Variants in TTC7B observed in about 807,000 individuals in gnomAD.
TTC7B encodes tetratricopeptide repeat protein 7B.
Under a neutral mutation model 106.8 loss-of-function variants are expected in TTC7B, and 28 were observed. The observed-to-expected ratio is 0.26, with a 90% CI of 0.19 to 0.36. The LOEUF is 0.36. TTC7B is among the 10% of genes least tolerant of loss of function. The pLI, the probability that TTC7B is intolerant of heterozygous loss-of-function variation, is 1.00. For synonymous variants in TTC7B, 405 were observed against 430.6 expected (o/e 0.94, Z 0.74); for missense variants, 862 against 1,076.4 (o/e 0.80, Z 2.79).
intron 17 of TTC7B, among the ~76,000 whole-genome samples, chr14:90,610,320 C>T (rs1004237231): frequency 3.3e-5 from 5 of 152,214 alleles, no homozygotes; most frequent in Non-Finnish European, 7.3e-5. Context: ...TGGAACCCAC[C>T]TGCCACCCTA....
intron 19 of TTC7B, among the ~76,000 whole-genome samples, chr14:90,558,058 C>T (rs904102704): frequency 1.3e-4 from 20 of 152,226 alleles, no homozygotes; most frequent in African/African-American, 4.8e-4. Flanking sequence ...GGTATACCGT[C>T]GGCACTCGAT....
rs1889200555 is a variant in TTC7B at position 90,528,501 on chromosome 14, T to C, written c.*12867A>G. 6.5e-6 allele frequency: 1 copy of C among 152,968 alleles called. No homozygotes were observed. Among genetic ancestry groups the C allele is most frequent in the Admixed American group, 6.5e-5 (1 of 15,282 alleles). 9.5% of individuals were successfully genotyped at this position (152,968 alleles called of 1,614,324 possible). On this transcript the variant is annotated 3_prime_UTR_variant, in exon 20 of 20. Transcript: ENST00000328459. ...CCTGTTTCCGACGGTGTGACCCGAG[T>C]GCGCTTCGTTACCCGTTTCTGATGG...
At position 90,757,262 on chromosome 14, in the gene TTC7B, C is replaced by A. The variant is rs747017953; in HGVS notation, c.446-12340G>T. Among the ~76,000 whole-genome samples, 2 of 152,100 alleles carry A rather than the reference C, an allele frequency of 1.3e-5. No individual in the cohort carries two copies. The highest frequency in any genetic ancestry group is 3.9e-4 in the East Asian group (2 of 5,186). On this transcript the variant is annotated intron_variant, in intron 3 of 19. Transcript: ENST00000328459. This position sits in a 1 kb window ranked among gnomAD's most constrained non-coding sequence, Gnocchi z 4.1. The stretch of plus-strand genomic sequence containing the variant: ...ATAAAACTACTTGTTTCACTGCACC[C>A]GAAGTGATCTCAATGTTTCCAAAAA...
chr14:90,555,053 C>T (rs1005494246), intron 19 of TTC7B, among the ~76,000 whole-genome samples: 3 of 152,170 alleles, frequency 2.0e-5, no homozygotes, highest in Non-Finnish European at 4.4e-5. Flanking sequence ...GTTACCAAGC[C>T]AGGTAGACGT....
At chr14:90,666,093 C>T (rs1209459774) in intron 9 of TTC7B, among the ~76,000 whole-genome samples, 1 of 152,214 alleles carries the variant, frequency 6.6e-6, no homozygotes, top group African/African-American at 2.4e-5. Flanking sequence ...CCCAGGGCTG[C>T]ACACAGTGGC....
At chr14:90,792,235 T>C (rs1246158242) in intron 1 of TTC7B, among the ~76,000 whole-genome samples, 1 of 152,080 alleles carries the variant, frequency 6.6e-6, no homozygotes, top group Admixed American at 6.6e-5. Context: ...GCTGGGGGAA[T>C]GCGCCAGAGT....
intron 17 of TTC7B, among the ~76,000 whole-genome samples, chr14:90,607,729 T>C (rs977175837): frequency 1.3e-5 from 2 of 152,200 alleles, no homozygotes; most frequent in African/African-American, 2.4e-5. Flanking sequence ...GAATACTATA[T>C]GGCTGTAAAC....
intron 19 of TTC7B, among the ~76,000 whole-genome samples, chr14:90,550,793 T>C (rs1198576911): frequency 2.0e-5 from 3 of 152,180 alleles, no homozygotes; most frequent in South Asian, 2.1e-4. Flanking sequence ...AAGAGGCTCT[T>C]GGGGAATGCT....
chr14:90,758,407 CG>C (rs1890384386), intron 3 of TTC7B, among the ~76,000 whole-genome samples: 1 of 75,014 alleles, frequency 1.3e-5, no homozygotes, highest in South Asian at 5.4e-4. Context: ...TGGGGCGGGG[CG>C]GGGTCGGGGA....
intron 19 of TTC7B, among the ~76,000 whole-genome samples, chr14:90,559,701 A>T (rs760647273): frequency 5.9e-5 from 9 of 152,250 alleles, no homozygotes; most frequent in Non-Finnish European, 1.2e-4. Context: ...TTTTGGGAGA[A>T]GGGAAGGCAC....
At chr14:90,598,172 G>A (rs1025618397) in intron 17 of TTC7B, among the ~76,000 whole-genome samples, 2 of 152,198 alleles carry the variant, frequency 1.3e-5, no homozygotes, top group African/African-American at 4.8e-5. Context: ...CAGGGGCTCT[G>A]AAAAGCCACT....
intron 1 of TTC7B, among the ~76,000 whole-genome samples, chr14:90,791,451 G>A (rs1891583012): frequency 6.6e-6 from 1 of 152,170 alleles, no homozygotes; most frequent in Non-Finnish European, 1.5e-5. Context: ...CTGTGGCAGA[G>A]TCTGCTTGTT....
At chr14:90,701,689 C>T (rs1185096048) in intron 5 of TTC7B, among the ~76,000 whole-genome samples, 2 of 143,752 alleles carry the variant, frequency 1.4e-5, no homozygotes, top group Admixed American at 6.9e-5. Context: ...CCAAAAGAAA[C>T]GTATATATAT....
chr14:90,804,831 C>A (rs1286318), intron 1 of TTC7B, among the ~76,000 whole-genome samples: 1 of 152,062 alleles, frequency 6.6e-6, no homozygotes, highest in Non-Finnish European at 1.5e-5. Context: ...CTCAAGGGAA[C>A]CAGGCCTCAC....
intron 4 of TTC7B, among the ~76,000 whole-genome samples, chr14:90,738,426 T>C (rs932748871): frequency 2.0e-5 from 3 of 152,016 alleles, no homozygotes; most frequent in Non-Finnish European, 4.4e-5. Flanking sequence ...CTAGCCAACA[T>C]GATGAAACCC....
intron 3 of TTC7B, among the ~76,000 whole-genome samples, chr14:90,751,967 G>A (rs1890150780): frequency 6.6e-6 from 1 of 152,160 alleles, no homozygotes; most frequent in Non-Finnish European, 1.5e-5. Flanking sequence ...TCTGCTCTGG[G>A]TAATGTCCTA....
At chr14:90,674,926 T>A (rs530681583) in intron 9 of TTC7B, among the ~76,000 whole-genome samples, 44 of 152,266 alleles carry the variant, frequency 2.9e-4, no homozygotes, top group Non-Finnish European at 5.3e-4. Context: ...GGGAGGCAGG[T>A]GACCACCACG....
chr14:90,714,444 C>T (rs1367785147), intron 5 of TTC7B, among the ~76,000 whole-genome samples: 1 of 146,448 alleles, frequency 6.8e-6, no homozygotes, highest in Non-Finnish European at 1.5e-5. Context: ...AAGATGATTG[C>T]ACAGCTGTAT....
intron 1 of TTC7B, among the ~76,000 whole-genome samples, chr14:90,792,153 C>T (rs1312659203): frequency 6.6e-6 from 1 of 152,116 alleles, no homozygotes; most frequent in African/African-American, 2.4e-5. Context: ...TTCATAGTTG[C>T]AGAGAGGTGT....
Sources: gnomAD v4.1 joint callset for allele counts (sites outside exome capture counted in the v4.1 genomes callset) on GRCh38, gnomAD v4.1.1 for gene constraint, Gnocchi (gnomAD v3.1) non-coding constraint, MANE v1.5 for transcripts, NCBI Gene and HGNC (gene_info 2026-07-23, HGNC 2026-07-21) for gene names.